Variants in SLC25A21 observed in about 807,000 individuals in gnomAD.
The protein encoded by SLC25A21 is solute carrier family 25 member 21, also known as mitochondrial 2-oxodicarboxylate carrier.
Under a neutral mutation model 43.8 loss-of-function variants are expected in SLC25A21, and 47 were observed. The observed-to-expected ratio is 1.07, with a 90% CI of 0.85 to 1.37. The LOEUF (loss-of-function observed/expected upper bound fraction) is 1.37. SLC25A21 is among the 40% of genes most tolerant of loss of function. The probability of loss-of-function intolerance (pLI) is 0.00; values close to 1 mark genes in which losing one functional copy is unlikely to be tolerated. For synonymous variants in SLC25A21, 131 were observed against 121.3 expected (o/e 1.08, Z -0.52); for missense variants, 352 against 350.2 (o/e 1.00, Z -0.04).
At chr14:37,017,565 C>A (rs945418664) in intron 1 of SLC25A21, among the ~76,000 whole-genome samples, 1 of 151,930 alleles carries the variant, frequency 6.6e-6, no homozygotes. Flanking sequence ...AGTGAGCACA[C>A]GCTGCTGGGA....
chr14:37,064,486 T>C (rs1319047272), intron 1 of SLC25A21, among the ~76,000 whole-genome samples: 2 of 152,154 alleles, frequency 1.3e-5, no homozygotes, highest in Non-Finnish European at 2.9e-5. Flanking sequence ...AGTCACCATC[T>C]ACCTACTCCA....
intron 6 of SLC25A21, among the ~76,000 whole-genome samples, chr14:36,718,485 C>G (rs191447556): frequency 1.1e-4 from 17 of 151,334 alleles, no homozygotes; most frequent in African/African-American, 4.1e-4. Context: ...CAGAGCCACA[C>G]GCTCACTCTC....
At chr14:37,102,989 C>CAA (rs575225934) in intron 1 of SLC25A21, among the ~76,000 whole-genome samples, 13 of 122,286 alleles carry the variant, frequency 1.1e-4, no homozygotes, top group African/African-American at 2.6e-4. Flanking sequence ...GACTGTGTCT[C>CAA]AAAAAAAAAA....
intron 1 of SLC25A21, among the ~76,000 whole-genome samples, chr14:36,953,188 T>C (rs892665838): frequency 6.6e-6 from 1 of 152,218 alleles, no homozygotes; most frequent in Non-Finnish European, 1.5e-5. Flanking sequence ...GCTTGAACTT[T>C]AAAATGTTTC....
intron 1 of SLC25A21, among the ~76,000 whole-genome samples, chr14:37,047,056 A>C (rs1262765337): frequency 6.6e-6 from 1 of 152,220 alleles, no homozygotes; most frequent in Non-Finnish European, 1.5e-5. Flanking sequence ...AATCTCTCAC[A>C]CAGACAGAAC....
intron 2 of SLC25A21, among the ~76,000 whole-genome samples, chr14:36,821,134 A>G (rs1212361902): frequency 6.6e-6 from 1 of 152,284 alleles, no homozygotes; most frequent in East Asian, 1.9e-4. Flanking sequence ...TTATGTGTAC[A>G]CACCGACCTC....
chr14:37,076,254 G>A lies in SLC25A21; in HGVS notation c.70+96027C>T, dbSNP rs111257729. Among the ~76,000 whole-genome samples, 309 of 150,470 alleles carry A rather than the reference G, an allele frequency of 2.1e-3. 3 individuals carry two copies. The East Asian group carries it at 0.04, about 19-fold the overall frequency. ...CAGCTCACTGCAACCTCCACGTTCC[G>A]GGCTCAAGTGATTCTCCTGCCTCAG... On this transcript the variant is annotated intron_variant, in intron 1 of 9. Transcript: ENST00000331299.
chr14:36,690,041 T>C (rs1310854465), intron 7 of SLC25A21, among the ~76,000 whole-genome samples: 5 of 152,174 alleles, frequency 3.3e-5, no homozygotes, highest in African/African-American at 9.7e-5. Context: ...ACCTATCCTA[T>C]CCTTAGCTCA....
intron 6 of SLC25A21, among the ~76,000 whole-genome samples, chr14:36,721,599 G>T (rs941502847): frequency 3.3e-5 from 5 of 152,190 alleles, no homozygotes; most frequent in Admixed American, 2.6e-4. Flanking sequence ...AGCTCTGATT[G>T]TATATGCTCT....
At chr14:36,703,457 T>G (rs1196208980) in intron 7 of SLC25A21, among the ~76,000 whole-genome samples, 2 of 152,220 alleles carry the variant, frequency 1.3e-5, no homozygotes, top group African/African-American at 4.8e-5. Context: ...CAGGGACAGG[T>G]CTAAATGGTT....
At chr14:37,100,228 T>G (rs1026204344) in intron 1 of SLC25A21, among the ~76,000 whole-genome samples, 2 of 152,004 alleles carry the variant, frequency 1.3e-5, no homozygotes, top group African/African-American at 4.8e-5. Context: ...CCAGCTAATT[T>G]TTGTATTTTT....
At chr14:37,071,269 T>C (rs140638523) in intron 1 of SLC25A21, among the ~76,000 whole-genome samples, 14 of 152,360 alleles carry the variant, frequency 9.2e-5, no homozygotes, top group Non-Finnish European at 2.1e-4. Context: ...CTGCAGAATA[T>C]AATACATCAG....
At chr14:36,967,173 T>G (rs898254538) in intron 1 of SLC25A21, among the ~76,000 whole-genome samples, 1 of 152,210 alleles carries the variant, frequency 6.6e-6, no homozygotes, top group African/African-American at 2.4e-5. Context: ...TGAAGATCAA[T>G]GGTATTTCTG....
intron 1 of SLC25A21, among the ~76,000 whole-genome samples, chr14:37,156,073 C>T (rs2138941647): frequency 6.6e-6 from 1 of 150,800 alleles, no homozygotes; most frequent in East Asian, 2.0e-4. Context: ...GCAGGAGAAT[C>T]ACTTGAACCC....
chr14:37,024,809 C>G (rs1244749383), intron 1 of SLC25A21, among the ~76,000 whole-genome samples: 4 of 151,908 alleles, frequency 2.6e-5, no homozygotes, highest in African/African-American at 4.8e-5. Context: ...ACACTGTGAT[C>G]CCATAATTAA....
At chr14:36,822,303 A>AAAATTAGT (rs2138463098) in intron 2 of SLC25A21, among the ~76,000 whole-genome samples, 2 of 152,372 alleles carry the variant, frequency 1.3e-5, no homozygotes, top group South Asian at 4.1e-4. Context: ...ACTGAAGTTC[A>AAAATTAGT]AAATTAGTAC....
chr14:37,120,764 GGT>G (rs1476897719), intron 1 of SLC25A21, among the ~76,000 whole-genome samples: 2 of 152,054 alleles, frequency 1.3e-5, no homozygotes, highest in Non-Finnish European at 2.9e-5. Flanking sequence ...TCTTCTTGGT[GGT>G]GTTACCATTG....
chr14:36,728,419 T>A (rs754146314), intron 5 of SLC25A21, among the ~76,000 whole-genome samples: 1 of 152,154 alleles, frequency 6.6e-6, no homozygotes, highest in Non-Finnish European at 1.5e-5. Context: ...AATCCTCTTT[T>A]TTGCCAAGCT....
intron 1 of SLC25A21, among the ~76,000 whole-genome samples, chr14:37,075,060 C>A (rs1594781205): frequency 6.6e-6 from 1 of 152,280 alleles, no homozygotes; most frequent in African/African-American, 2.4e-5. Context: ...GTTTCCTGTG[C>A]AAATACTTCT....
Sources: gnomAD v4.1 joint callset for allele counts (sites outside exome capture counted in the v4.1 genomes callset) on GRCh38, gnomAD v4.1.1 for gene constraint, MANE v1.5 for transcripts, NCBI Gene and HGNC (gene_info 2026-07-23, HGNC 2026-07-21) for gene names.